ARFGAP2: variants seen among roughly 807,000 people sequenced by gnomAD.
ARFGAP2 encodes the protein ADP-ribosylation factor GTPase-activating protein 2.
A neutral mutation model predicts 71.9 loss-of-function variants in ARFGAP2; 45 were observed. The ratio of observed to expected loss-of-function variants is 0.63; its 90% confidence interval spans 0.49 to 0.80. The LOEUF is 0.80. Among genes scored for constraint, ARFGAP2 ranks in the 30% least tolerant of loss-of-function variants. The probability of loss-of-function intolerance (pLI) is 0.00; values close to 1 mark genes in which losing one functional copy is unlikely to be tolerated. For missense variants in ARFGAP2, 633 were observed against 673.9 expected, an observed-to-expected ratio of 0.94 and a Z score of 0.67; for synonymous variants, 248 against 249.2, an observed-to-expected ratio of 1.00 and a Z score of 0.05.
chr11:47,168,662 A>T (rs948579367), intron 10 of ARFGAP2: 3 of 172,620 alleles, frequency 1.7e-5, no homozygotes, highest in African/African-American at 7.2e-5. Flanking sequence ...CTGGGACTAC[A>T]GTGCACGTCA....
chr11:47,165,375 G>C lies in ARFGAP2; in HGVS notation c.*107C>G. The C allele has an allele frequency of 6.3e-6, 9 of 1,427,596 alleles. No individual in the cohort carries two copies. The highest frequency in any genetic ancestry group is 8.5e-6 in the Non-Finnish European group (9 of 1,056,054). The allele number at this position is 1,427,596 out of a possible 1,614,324, so 88.4% of individuals were successfully genotyped here. ...CACCCCACACACACACCACACATAC[G>C]AAGTAACAAATCCTCCCCAGCTTCC... On this transcript the variant is annotated 3_prime_UTR_variant, in exon 16 of 16. Transcript: ENST00000524782.
At chr11:47,166,684 G>T in intron 13 of ARFGAP2, 76 bp downstream of exon 13, 1 of 1,598,976 alleles carries the variant, frequency 6.3e-7, no homozygotes, top group Non-Finnish European at 8.5e-7. Flanking sequence ...TGGTGCTAAA[G>T]CCCAAAGCAG....
At position 47,165,390 on chromosome 11, in the gene ARFGAP2, C is replaced by T; in HGVS notation, c.*92G>A. 2.7e-6 allele frequency: 4 copies of T among 1,486,252 alleles called. No homozygotes were observed. Among genetic ancestry groups the T allele is most frequent in the East Asian group, 4.8e-5 (2 of 41,606 alleles). The allele number at this position is 1,486,252 out of a possible 1,614,324, so 92.1% of individuals were successfully genotyped here. ...CCACACATACGAAGTAACAAATCCT[C>T]CCCAGCTTCCACAAGGCAAAGCATC... On this transcript the variant is annotated 3_prime_UTR_variant, in exon 16 of 16. Coordinates refer to ENST00000524782, the MANE Select transcript of ARFGAP2 (RefSeq NM_032389.6).
rs1261501084 is a variant in ARFGAP2, at chr11:47,166,838, A to G, written c.1254T>C (p.Ser418=). 8 of 1,614,064 alleles carry G rather than the reference A, an allele frequency of 5.0e-6. No homozygotes were observed. The highest frequency in any genetic ancestry group is 2.2e-5 in the East Asian group (1 of 44,880). ...CTGCGAATTTCTGACGCGCCTCACT[A>G]GACTCGAGGCCTGAGCTCCGGCTCT... is the stretch of plus-strand genomic sequence containing the variant. ...EVESRSSGLE[S]SEARQKFAGA... is the part of the protein sequence containing the mutation. Residue 418 remains serine, a synonymous_variant, in exon 13 of 16, where the codon TCT becomes TCC. Transcript: ENST00000524782.
intron 12 of ARFGAP2, 140 bp downstream of exon 12, chr11:47,167,769 G>C: frequency 9.0e-7 from 1 of 1,108,970 alleles, no homozygotes; most frequent in Non-Finnish European, 1.2e-6. Context: ...CCACATAGTA[G>C]TGGCTACCAT....
At chr11:47,172,192 T>C in intron 8 of ARFGAP2, 89 bp downstream of exon 8, 2 of 1,308,200 alleles carry the variant, frequency 1.5e-6, no homozygotes, top group Non-Finnish European at 2.2e-6. Flanking sequence ...CAAAGTCATA[T>C]AGCTGGTAAG....
intron 10 of ARFGAP2, among the ~76,000 whole-genome samples, chr11:47,170,811 T>C (rs529696311): frequency 1.3e-5 from 2 of 152,208 alleles, no homozygotes; most frequent in South Asian, 4.1e-4. Flanking sequence ...CTGGGCATGG[T>C]GGCTCCCGGC....
chr11:47,176,021 C>T (rs1952800884), intron 2 of ARFGAP2, 98 bp from the exon 3 acceptor site: 1 of 1,213,340 alleles, frequency 8.2e-7, no homozygotes, highest in Non-Finnish European at 1.2e-6. Flanking sequence ...GCTGTAGGCA[C>T]CCAGGAAACA....
chr11:47,168,515 TA>T (rs1952477177), intron 10 of ARFGAP2: 1 of 320,698 alleles, frequency 3.1e-6, no homozygotes, highest in Middle Eastern at 9.7e-4. Flanking sequence ...TTGCCTGTTA[TA>T]ATTTAATTTT....
intron 10 of ARFGAP2, among the ~76,000 whole-genome samples, chr11:47,168,901 C>A (rs1952492791): frequency 6.6e-6 from 1 of 151,880 alleles, no homozygotes; most frequent in South Asian, 2.1e-4. Context: ...GCACTATGAA[C>A]CCCATCCTTC....
intron 1 of ARFGAP2, 47 bp from the exon 2 acceptor site, chr11:47,176,681 G>C: frequency 1.9e-6 from 3 of 1,612,060 alleles, no homozygotes; most frequent in Non-Finnish European, 2.5e-6. Context: ...CCCGAGTAAA[G>C]GCCAGGCACC....
chr11:47,166,409 C>A, intron 14 of ARFGAP2, 23 bp from the exon 15 acceptor site: 3 of 1,612,722 alleles, frequency 1.9e-6, no homozygotes, highest in Non-Finnish European at 2.5e-6. Context: ...AGCAGGGTGA[C>A]CCAGAGCCCA....
intron 15 of ARFGAP2, 81 bp downstream of exon 15, chr11:47,166,187 G>T: frequency 2.1e-6 from 3 of 1,399,730 alleles, no homozygotes; most frequent in Non-Finnish European, 3.0e-6. Context: ...GCTCAGAGGG[G>T]CTGAGCAGTA....
chr11:47,173,919 G>A, intron 5 of ARFGAP2, 79 bp from the exon 6 acceptor site: 7 of 1,544,660 alleles, frequency 4.5e-6, no homozygotes, highest in Non-Finnish European at 5.2e-6. Context: ...CAAGCACCTT[G>A]TGGACAAGAA....
At chr11:47,174,566 T>C (rs1258755784) in intron 5 of ARFGAP2, 1 of 160,868 alleles carries the variant, frequency 6.2e-6, no homozygotes, top group African/African-American at 2.4e-5. Context: ...CGGCTAATTT[T>C]TTGTATTTTT....
rs376604747 is a variant in ARFGAP2, at chr11:47,167,874, AAAAG to A, written c.1205+31_1205+34del. On this transcript the variant is annotated intron_variant, in intron 12 of 15. Transcript: ENST00000524782. ...CTACCTTCAGCTTGTTTAAAAAAAA[AAAAG>A]AAAGAAAAAAGAAAAAACAGCCCAC... The A allele has an allele frequency of 1.7e-4, 263 of 1,524,686 alleles. No individual in the cohort carries two copies. In the African/African-American group the frequency reaches 2.7e-3, roughly 16 times the overall value. 94.4% of individuals were successfully genotyped at this position (1,524,686 alleles called of 1,614,324 possible).
At chr11:47,165,669 C>T (rs1704859681) in intron 15 of ARFGAP2, among the ~76,000 whole-genome samples, 167 bp from the exon 16 acceptor site, 1 of 152,140 alleles carries the variant, frequency 6.6e-6, no homozygotes, top group Admixed American at 6.5e-5. Context: ...GGGCAGCGGC[C>T]ACTCGGGCAC....
At chr11:47,175,773 C>T in intron 3 of ARFGAP2, 78 bp downstream of exon 3, 1 of 1,552,348 alleles carries the variant, frequency 6.4e-7, no homozygotes, top group Non-Finnish European at 8.9e-7. Context: ...GGGAAAACGA[C>T]AGGGCCTCTT....
At chr11:47,171,973 T>C (rs950142605) in intron 8 of ARFGAP2, 173 bp from the exon 9 acceptor site, 3 of 1,049,462 alleles carry the variant, frequency 2.9e-6, no homozygotes, top group African/African-American at 1.6e-5. Flanking sequence ...GAGCTGGGCA[T>C]GGGCGGCTCA....
Sources: allele counts gnomAD v4.1 joint callset (sites outside exome capture counted in the v4.1 genomes callset), GRCh38; gene constraint gnomAD v4.1.1; transcripts MANE v1.5; gene names NCBI Gene and HGNC (gene_info 2026-07-23, HGNC 2026-07-21).